Variants in NRXN3 observed in about 807,000 individuals in gnomAD.
NRXN3 encodes the protein neurexin 3.
In NRXN3, 32 loss-of-function variants were observed where a neutral mutation model predicts 137.6. The observed-to-expected ratio is 0.23, with a 90% confidence interval of 0.18 to 0.31. NRXN3 has a LOEUF of 0.31. NRXN3 is among the 10% of genes least tolerant of loss of function. The probability of loss-of-function intolerance (pLI) is 1.00; values close to 1 mark genes in which losing one functional copy is unlikely to be tolerated. For missense variants in NRXN3, 1,574 were observed against 2,062.5 expected, an observed-to-expected ratio of 0.76 and a Z score of 4.59; for synonymous variants, 798 against 784.5, an observed-to-expected ratio of 1.02 and a Z score of -0.29.
intron 4 of NRXN3, among the ~76,000 whole-genome samples, chr14:78,441,439 C>T (rs746782779): frequency 2.0e-5 from 3 of 152,302 alleles, no homozygotes; most frequent in Middle Eastern, 3.4e-3. Flanking sequence ...CTCCAGGAAG[C>T]CCTCCCACTG....
chr14:78,229,022 A>G (rs767446986), intron 1 of NRXN3, among the ~76,000 whole-genome samples: 2 of 152,202 alleles, frequency 1.3e-5, no homozygotes, highest in African/African-American at 4.8e-5. Flanking sequence ...ATTTTTTTGC[A>G]CATTTGTGCA....
rs2087503190 is a variant in NRXN3, at chr14:78,374,764, A to T, written c.757+76904A>T. Among the ~76,000 whole-genome samples the T allele has an allele frequency of 6.1e-5, 3 of 48,860 alleles. No individual in the cohort carries two copies. In the South Asian group the frequency reaches 3.5e-3, roughly 56 times the overall value. The allele number at this position is 48,860 out of a possible 152,430, so 32.1% of individuals were successfully genotyped here. ...CAGCCTGGGGACAGAGTGAGACTCC[A>T]TCTCCAAAAAAAAAAAAAAAAAAAA... On this transcript the variant is annotated intron_variant, in intron 4 of 20. Transcript: ENST00000335750.
intron 1 of NRXN3, among the ~76,000 whole-genome samples, chr14:78,198,138 G>T (rs1408015006): frequency 1.3e-5 from 2 of 152,222 alleles, no homozygotes; most frequent in African/African-American, 4.8e-5. Context: ...GCTCTGCTGG[G>T]ATGGTTTCTA....
intron 1 of NRXN3, among the ~76,000 whole-genome samples, chr14:78,198,335 C>T (rs536283316): frequency 6.6e-6 from 1 of 152,318 alleles, no homozygotes; most frequent in East Asian, 1.9e-4. Flanking sequence ...GAGGTGAGCA[C>T]ACAGAACTGC....
chr14:78,946,548 T>C (rs2099365658), intron 10 of NRXN3, among the ~76,000 whole-genome samples: 1 of 152,196 alleles, frequency 6.6e-6, no homozygotes, highest in Non-Finnish European at 1.5e-5. Context: ...TAGTAGGTCA[T>C]CAACTTTTAA....
At chr14:78,812,202 T>TC (rs916734432) in intron 10 of NRXN3, among the ~76,000 whole-genome samples, 4 of 152,236 alleles carry the variant, frequency 2.6e-5, no homozygotes, top group Non-Finnish European at 5.9e-5. Flanking sequence ...CTACCCATCG[T>TC]CCTAGGTAAC....
chr14:78,526,701 G>A (rs568878615), intron 4 of NRXN3: 118 of 510,222 alleles, frequency 2.3e-4, no homozygotes, highest in South Asian at 1.5e-3. Flanking sequence ...AAGCACTTTC[G>A]TGCATTATTA....
intron 10 of NRXN3, among the ~76,000 whole-genome samples, chr14:78,838,631 G>A (rs2099003522): frequency 1.3e-5 from 2 of 151,512 alleles, no homozygotes; most frequent in Admixed American, 6.6e-5. Flanking sequence ...AATGCCTTCA[G>A]GGGAATTTGA....
At chr14:79,767,118 G>C (rs756803203) in intron 19 of NRXN3, among the ~76,000 whole-genome samples, 2 of 152,146 alleles carry the variant, frequency 1.3e-5, no homozygotes, top group African/African-American at 2.4e-5. Flanking sequence ...ATTGCTCTTG[G>C]AGAAGACAAA....
intron 15 of NRXN3, among the ~76,000 whole-genome samples, chr14:79,087,966 A>C (rs529274273): frequency 1.3e-5 from 2 of 150,882 alleles, no homozygotes; most frequent in Admixed American, 6.5e-5. Flanking sequence ...TTAAAGCAAC[A>C]CCAGTATTTG....
intron 4 of NRXN3, among the ~76,000 whole-genome samples, chr14:78,480,229 A>G (rs1174914825): frequency 3.3e-5 from 5 of 152,224 alleles, no homozygotes; most frequent in African/African-American, 1.2e-4. Flanking sequence ...TCACCTGTTT[A>G]TATAGTGGCT....
At chr14:79,153,815 A>G (rs1250628925) in intron 15 of NRXN3, among the ~76,000 whole-genome samples, 1 of 152,016 alleles carries the variant, frequency 6.6e-6, no homozygotes, top group Non-Finnish European at 1.5e-5. Flanking sequence ...TTTGAAATGC[A>G]GAAGTCCAGG....
At chr14:78,954,981 A>G (rs745543709) in intron 10 of NRXN3, among the ~76,000 whole-genome samples, 1 of 152,132 alleles carries the variant, frequency 6.6e-6, no homozygotes, top group Non-Finnish European at 1.5e-5. Flanking sequence ...ATACCAATGA[A>G]GCAATGTTCC....
At chr14:79,615,698 C>T (rs556876716) in intron 16 of NRXN3, among the ~76,000 whole-genome samples, 33 of 152,076 alleles carry the variant, frequency 2.2e-4, no homozygotes, top group African/African-American at 6.7e-4. Context: ...GGAAAAGCCC[C>T]GTATAGAACC....
intron 15 of NRXN3, among the ~76,000 whole-genome samples, chr14:79,090,444 G>T (rs545531869): frequency 5.4e-4 from 82 of 152,164 alleles, no homozygotes; most frequent in African/African-American, 2.0e-3. Context: ...CAATCTTCCA[G>T]TTACACCCTG....
At chr14:78,773,029 G>T (rs764076102) in intron 8 of NRXN3, among the ~76,000 whole-genome samples, 48 of 152,104 alleles carry the variant, frequency 3.2e-4, no homozygotes, top group African/African-American at 1.2e-3. Context: ...ATAAAGTCCC[G>T]ATTGGCTCAT....
intron 6 of NRXN3, among the ~76,000 whole-genome samples, chr14:78,668,611 G>T (rs145799812): frequency 2.6e-5 from 4 of 152,164 alleles, no homozygotes; most frequent in Non-Finnish European, 5.9e-5. Flanking sequence ...GCACAGGACA[G>T]CCCTTCGGTG....
chr14:79,481,773 A>G (rs545987506), intron 16 of NRXN3, among the ~76,000 whole-genome samples: 1 of 152,208 alleles, frequency 6.6e-6, no homozygotes, highest in Admixed American at 6.5e-5. Flanking sequence ...GAAAATTTGG[A>G]GGCTAGGGTT....
intron 8 of NRXN3, 56 bp downstream of exon 8, chr14:78,715,195 G>T: frequency 6.4e-7 from 1 of 1,566,608 alleles, no homozygotes; most frequent in Admixed American, 1.7e-5. Context: ...ATGTGTTACA[G>T]TTGGATCCCT....
Sources: allele counts gnomAD v4.1 joint callset (sites outside exome capture counted in the v4.1 genomes callset), GRCh38; gene constraint gnomAD v4.1.1; transcripts MANE v1.5; gene names NCBI Gene and HGNC (gene_info 2026-07-23, HGNC 2026-07-21).